The following LRP1B variants were observed in gnomAD, a reference collection of about 807,000 sequenced individuals.
The protein encoded by LRP1B is low-density lipoprotein receptor-related protein 1B.
In LRP1B, 217 loss-of-function variants were observed where a neutral mutation model predicts 556.6. The observed-to-expected ratio is 0.39, with a 90% CI of 0.35 to 0.44. The LOEUF (loss-of-function observed/expected upper bound fraction) is 0.44, where lower values mean the gene tolerates loss of function less well. Ranked by LOEUF, LRP1B falls within the 20% of genes least tolerant of loss-of-function variation. LRP1B has a pLI of 1.00. For synonymous variants in LRP1B, 2,047 were observed against 1,865.8 expected (o/e 1.10, Z -2.50); for missense variants, 5,053 against 5,620.8 (o/e 0.90, Z 3.23).
chr2:141,245,414 T>C (rs1558957063), intron 5 of LRP1B, among the ~76,000 whole-genome samples: 1 of 152,182 alleles, frequency 6.6e-6, no homozygotes, highest in Non-Finnish European at 1.5e-5. Flanking sequence ...AACTGAAGCT[T>C]GCTTAGCTAG....
chr2:141,876,328 A>G (rs1378374403), intron 1 of LRP1B, among the ~76,000 whole-genome samples: 2 of 151,974 alleles, frequency 1.3e-5, no homozygotes, highest in Admixed American at 6.6e-5. Context: ...AAAAGGGCAA[A>G]TATCTTTAGA....
At chr2:140,361,682 C>G (rs1370317100) in intron 72 of LRP1B, among the ~76,000 whole-genome samples, 3 of 151,324 alleles carry the variant, frequency 2.0e-5, no homozygotes, top group Non-Finnish European at 4.4e-5. Context: ...GCCAGCTCAT[C>G]TTCACTTAGG....
At chr2:141,405,832 T>A (rs902567998) in intron 3 of LRP1B, among the ~76,000 whole-genome samples, 5 of 152,154 alleles carry the variant, frequency 3.3e-5, no homozygotes, top group Admixed American at 3.3e-4. Context: ...TGCAAATGAA[T>A]ACAACATGAT....
At chr2:140,280,648 GA>G (rs1242413364) in intron 84 of LRP1B, among the ~76,000 whole-genome samples, 1 of 151,584 alleles carries the variant, frequency 6.6e-6, no homozygotes, top group East Asian at 1.9e-4. Flanking sequence ...AAAGCAAGAA[GA>G]AAAAAGGACC....
At chr2:141,320,397 T>C (rs1687192836) in intron 3 of LRP1B, among the ~76,000 whole-genome samples, 1 of 152,070 alleles carries the variant, frequency 6.6e-6, no homozygotes, top group African/African-American at 2.4e-5. Context: ...ATTTAGGGAA[T>C]GTTTAGAATA....
Position 141,101,420 on chromosome 2 carries a change from T to C in LRP1B, c.1014-39147A>G, listed in dbSNP as rs74789228. 8.1e-3 allele frequency among the ~76,000 whole-genome samples: 1,235 copies of C among 152,256 alleles called. 18 individuals are homozygous for C. The highest frequency in any genetic ancestry group is 0.029 in the African/African-American group (1,187 of 41,560). ...TAAAGGGAAAAGAAAGAAGTTTAAA[T>C]ATAACATGAAACTGTAGTTTTAGTT... is the stretch of plus-strand genomic sequence containing the variant. On this transcript the variant is annotated intron_variant, in intron 7 of 90. Transcript: ENST00000389484.
At chr2:140,474,065 C>T (rs1687870435) in intron 60 of LRP1B, among the ~76,000 whole-genome samples, 1 of 151,928 alleles carries the variant, frequency 6.6e-6, no homozygotes, top group South Asian at 2.1e-4. Flanking sequence ...CATCCAACTA[C>T]ACTCTTTGTA....
intron 7 of LRP1B, among the ~76,000 whole-genome samples, chr2:141,079,844 T>C (rs749556216): frequency 1.3e-5 from 2 of 152,218 alleles, no homozygotes; most frequent in Admixed American, 6.5e-5. Context: ...CCATTGAAAG[T>C]AAATCGTTTT....
intron 37 of LRP1B, among the ~76,000 whole-genome samples, chr2:140,703,295 G>A (rs1031039): frequency 0.78 from 117,835 of 152,004 alleles, 46,352 homozygotes; most frequent in Middle Eastern, 0.86. Flanking sequence ...GAAAGAAAAT[G>A]TCATGCAGAA....
At chr2:140,891,783 C>T (rs1402720086) in intron 23 of LRP1B, among the ~76,000 whole-genome samples, 3 of 152,152 alleles carry the variant, frequency 2.0e-5, no homozygotes, top group Non-Finnish European at 4.4e-5. Flanking sequence ...ATTGTTCAAA[C>T]TTGTACATAT....
At chr2:141,782,644 G>A (rs1256052750) in intron 2 of LRP1B, among the ~76,000 whole-genome samples, 1 of 150,694 alleles carries the variant, frequency 6.6e-6, no homozygotes, top group African/African-American at 2.4e-5. Context: ...ATCATATAGG[G>A]TTTGTGTGAA....
At chr2:140,536,518 C>G (rs2105002668) in intron 46 of LRP1B, 63 bp downstream of exon 46, 1 of 1,538,090 alleles carries the variant, frequency 6.5e-7, no homozygotes, top group East Asian at 2.3e-5. Context: ...GACAAGCAAA[C>G]CAAAAACTGT....
chr2:140,465,578 TC>T (rs1215976947), intron 60 of LRP1B, among the ~76,000 whole-genome samples: 1 of 152,140 alleles, frequency 6.6e-6, no homozygotes, highest in East Asian at 1.9e-4. Flanking sequence ...AACCTACTGA[TC>T]CCTAATCTAC....
In LRP1B at chr2:141,005,360, C is replaced by T; in HGVS notation, c.2478G>A (p.Leu826=). The change falls in exon 15 of 91, where the codon TTG becomes TTA. Residue 826 remains leucine (L), a synonymous_variant. Transcript: ENST00000389484. ...ATGTGCAAGTTGTCCCATTTTCATC[C>T]AAAAGTTGATTATCGGCACAAGCAC... is the stretch of plus-strand genomic sequence containing the variant. The part of the protein sequence containing the change: ...RVCACADNQL[L]DENGTTCTFN... 6.2e-7 allele frequency: 1 copy of T among 1,609,724 alleles called. No individual in the cohort carries two copies. The highest frequency in any genetic ancestry group is 8.5e-7 in the Non-Finnish European group (1 of 1,177,250).
chr2:141,042,770 T>C (rs16845186), intron 11 of LRP1B, among the ~76,000 whole-genome samples: 2,267 of 152,132 alleles, frequency 0.015, 59 homozygotes, highest in African/African-American at 0.052. Context: ...ATTGCTGTCA[T>C]TGATTTTATT....
intron 7 of LRP1B, among the ~76,000 whole-genome samples, chr2:141,082,368 GCTCTT>G (rs1290312676): frequency 5.3e-5 from 8 of 152,152 alleles, no homozygotes; most frequent in South Asian, 2.1e-4. Context: ...TAAAAGCTGG[GCTCTT>G]CTCTTATTAC....
chr2:141,147,617 A>T (rs1019522340), intron 7 of LRP1B, among the ~76,000 whole-genome samples: 10 of 152,180 alleles, frequency 6.6e-5, no homozygotes, highest in African/African-American at 2.4e-4. Flanking sequence ...CATTTACTTT[A>T]AAAAATCAAT....
At chr2:141,017,651 A>ATG (rs1697944398) in intron 12 of LRP1B, among the ~76,000 whole-genome samples, 1 of 151,526 alleles carries the variant, frequency 6.6e-6, no homozygotes, top group Non-Finnish European at 1.5e-5. Flanking sequence ...TTACATATAT[A>ATG]TATATGTATA....
intron 3 of LRP1B, among the ~76,000 whole-genome samples, chr2:141,408,761 T>C (rs1690738081): frequency 1.3e-5 from 2 of 152,280 alleles, no homozygotes; most frequent in African/African-American, 4.8e-5. Flanking sequence ...ATTCATGCCA[T>C]CTCCTCCATG....
Sources: allele counts gnomAD v4.1 joint callset (sites outside exome capture counted in the v4.1 genomes callset), GRCh38; gene constraint gnomAD v4.1.1; transcripts MANE v1.5; gene names NCBI Gene and HGNC (gene_info 2026-07-23, HGNC 2026-07-21).